Variants in ZNF469 observed in about 807,000 individuals in gnomAD.
The protein encoded by ZNF469 is zinc finger protein 469.
Under a neutral mutation model 1.0 loss-of-function variants are expected in ZNF469, and 1 was observed. That is an observed-to-expected ratio of 1.00 (90% confidence interval 0.35 to 4.73). The LOEUF is 4.73. ZNF469 is among the 30% of genes most tolerant of loss of function. The pLI is 0.16. For synonymous variants in ZNF469, 2,703 were observed against 2,363.4 expected (o/e 1.14, Z -4.17); for missense variants, 6,100 against 5,356.3 (o/e 1.14, Z -4.33).
chr16:88,432,538 G>A lies in ZNF469; in HGVS notation c.5068G>A (p.Ala1690Thr). 6.4e-7 allele frequency: 1 copy of A among 1,550,394 alleles called. No individual in the cohort carries two copies. The highest frequency in any genetic ancestry group is 1.4e-5 in the African/African-American group (1 of 73,160). The change falls in exon 3 of 3, where the codon GCC (alanine) becomes ACC (threonine). Residue 1690 changes from alanine to threonine, a missense_variant. Coordinates refer to ENST00000565624, the MANE Select transcript of ZNF469 (RefSeq NM_001367624.2). ...VSGAPFSPRG[A>T]NFHFQPVQKA... ...TGGGGCTCCTTTCAGCCCCAGGGGA[G>A]CCAACTTCCATTTTCAGCCAGTGCA...
chr16:88,212,205 GC>G, the ZNF469 span, among the ~76,000 whole-genome samples: 1 of 152,174 alleles, frequency 6.6e-6, no homozygotes, highest in Non-Finnish European at 1.5e-5. Context: ...GTCTCACTGA[GC>G]TATGCCTCGG....
In ZNF469 at chr16:88,439,207, G is replaced by C; in HGVS notation, c.11737G>C (p.Gly3913Arg). Residue 3913 changes from glycine (G) to arginine (R), a missense_variant, in exon 3 of 3, where the codon GGT becomes CGT. Gly to Arg is a moderately radical substitution (Grantham distance 125). Transcript: ENST00000565624. ...RPPKRGTAVH[G>R]AEPAEPHTHR... ...CCCCAAGAGGGGCACAGCTGTCCAC[G>C]GTGCTGAACCTGCCGAGCCACACAC... The C allele has an allele frequency of 6.5e-7, 1 of 1,550,140 alleles. No homozygotes were observed. Among genetic ancestry groups the C allele is most frequent in the Non-Finnish European group, 8.7e-7 (1 of 1,146,788 alleles).
the ZNF469 span, among the ~76,000 whole-genome samples, chr16:88,160,387 G>C: frequency 3.9e-4 from 60 of 152,312 alleles, no homozygotes; most frequent in East Asian, 7.9e-3. Context: ...GCATCTGTCC[G>C]AGACCGGCAT....
chr16:88,309,643 TGGG>T, the ZNF469 span, among the ~76,000 whole-genome samples: 1 of 143,780 alleles, frequency 7.0e-6, no homozygotes, highest in Non-Finnish European at 1.5e-5. Context: ...GGACACCTGA[TGGG>T]GGGAGTGCCC....
At chr16:88,282,994 C>T in the ZNF469 span, among the ~76,000 whole-genome samples, 1 of 152,176 alleles carries the variant, frequency 6.6e-6, no homozygotes, top group Non-Finnish European at 1.5e-5. Context: ...AGGACCCCAG[C>T]GATTCCCTCC....
At chr16:88,217,374 T>C in the ZNF469 span, among the ~76,000 whole-genome samples, 8 of 152,238 alleles carry the variant, frequency 5.3e-5, no homozygotes, top group Admixed American at 2.6e-4. Flanking sequence ...GATGTGTTCC[T>C]TGGGGCCCCA....
the ZNF469 span, among the ~76,000 whole-genome samples, chr16:88,320,841 G>A: frequency 1.3e-5 from 2 of 152,272 alleles, no homozygotes; most frequent in Admixed American, 1.3e-4. Flanking sequence ...AGTCAATGCC[G>A]AACCCACCCA....
At chr16:88,108,108 G>T in the ZNF469 span, among the ~76,000 whole-genome samples, 1 of 136,264 alleles carries the variant, frequency 7.3e-6, no homozygotes, top group East Asian at 2.5e-4. Flanking sequence ...CACGTCTGTG[G>T]GGATGTGGGG....
chr16:88,119,381 G>A, the ZNF469 span, among the ~76,000 whole-genome samples: 1 of 152,198 alleles, frequency 6.6e-6, no homozygotes, highest in African/African-American at 2.4e-5. Flanking sequence ...GTGCACGTGC[G>A]GGGCCCATCT....
At chr16:88,121,245 G>A in the ZNF469 span, among the ~76,000 whole-genome samples, 3 of 145,428 alleles carry the variant, frequency 2.1e-5, no homozygotes, top group South Asian at 6.8e-4. Flanking sequence ...GTTGGGGGGT[G>A]GGGGCGCTGT....
At chr16:88,202,959 G>A in the ZNF469 span, among the ~76,000 whole-genome samples, 2 of 152,182 alleles carry the variant, frequency 1.3e-5, no homozygotes, top group African/African-American at 4.8e-5. Flanking sequence ...CCTTTGCCGT[G>A]ACAGTCTCTG....
At chr16:88,221,905 C>G in the ZNF469 span, among the ~76,000 whole-genome samples, 1 of 152,172 alleles carries the variant, frequency 6.6e-6, no homozygotes, top group African/African-American at 2.4e-5. Flanking sequence ...TCATTGAATT[C>G]ACAGCCCTCC....
the ZNF469 span, among the ~76,000 whole-genome samples, chr16:88,120,409 C>T: frequency 7.2e-5 from 11 of 152,260 alleles, no homozygotes; most frequent in Non-Finnish European, 1.6e-4. Context: ...GTCATCGGGC[C>T]GGCGGGACGC....
At chr16:88,126,717 G>C in the ZNF469 span, among the ~76,000 whole-genome samples, 2 of 151,856 alleles carry the variant, frequency 1.3e-5, no homozygotes, top group African/African-American at 2.4e-5. Context: ...GCAGTGGCTC[G>C]ATCTCGGCTC....
chr16:88,184,801 A>T, the ZNF469 span, among the ~76,000 whole-genome samples: 1 of 152,208 alleles, frequency 6.6e-6, no homozygotes, highest in Non-Finnish European at 1.5e-5. Context: ...TCACGCTGCA[A>T]GTGCTGCCAG....
chr16:88,240,953 G>A, the ZNF469 span, among the ~76,000 whole-genome samples: 2,713 of 152,180 alleles, frequency 0.018, 81 homozygotes, highest in African/African-American at 0.063. Context: ...CCAGGGGCTG[G>A]GCGGAAACCC....
chr16:88,120,783 C>T, the ZNF469 span, among the ~76,000 whole-genome samples: 8 of 152,106 alleles, frequency 5.3e-5, no homozygotes, highest in African/African-American at 9.7e-5. Flanking sequence ...CAGAGCTTGT[C>T]GACGGCGTCT....
chr16:88,172,568 C>T, the ZNF469 span, among the ~76,000 whole-genome samples: 17,606 of 152,160 alleles, frequency 0.12, 1,351 homozygotes, highest in African/African-American at 0.2. Flanking sequence ...AATGAATTTT[C>T]ACGATGTCTG....
intron 1 of ZNF469, among the ~76,000 whole-genome samples, chr16:88,405,345 C>T (rs1566450): frequency 0.011 from 1,650 of 152,232 alleles, 31 homozygotes; most frequent in African/African-American, 0.038. Context: ...TAGAAGTGCA[C>T]GAGAATATCC....
Sources: gnomAD v4.1 joint callset for allele counts (sites outside exome capture counted in the v4.1 genomes callset) on GRCh38, gnomAD v4.1.1 for gene constraint, MANE v1.5 for transcripts, NCBI Gene and HGNC (gene_info 2026-07-23, HGNC 2026-07-21) for gene names.